EXT1: variants seen among roughly 807,000 people sequenced by gnomAD.
EXT1 encodes the protein exostosin-1.
Under a neutral mutation model 82.5 loss-of-function variants are expected in EXT1, and 20 were observed. The ratio of observed to expected loss-of-function variants is 0.24; its 90% CI spans 0.17 to 0.35. The LOEUF (loss-of-function observed/expected upper bound fraction) is 0.35. Ranked by LOEUF, EXT1 falls within the 10% of genes least tolerant of loss-of-function variation. EXT1 has a pLI of 1.00. For missense variants in EXT1, 757 were observed against 936.5 expected (o/e 0.81, Z 2.50); for synonymous variants, 348 against 350.8 (o/e 0.99, Z 0.09).
intron 1 of EXT1, among the ~76,000 whole-genome samples, chr8:118,009,874 T>C (rs1039464057): frequency 6.6e-5 from 10 of 152,198 alleles, no homozygotes; most frequent in East Asian, 1.9e-4. Flanking sequence ...GCCAAAAAGG[T>C]TGGGAACCGC....
chr8:117,815,502 A>G (rs1213749048), intron 7 of EXT1, among the ~76,000 whole-genome samples: 1 of 152,194 alleles, frequency 6.6e-6, no homozygotes, highest in Non-Finnish European at 1.5e-5. Flanking sequence ...ACATTGCCTC[A>G]GCGACCTTCT....
chr8:117,910,093 T>C (rs1813617826), intron 1 of EXT1, among the ~76,000 whole-genome samples: 2 of 152,180 alleles, frequency 1.3e-5, no homozygotes, highest in South Asian at 4.1e-4. Flanking sequence ...CTGTCCAGGA[T>C]GGGCCCTAAT....
intron 1 of EXT1, among the ~76,000 whole-genome samples, chr8:117,937,921 C>G (rs530698854): frequency 6.6e-6 from 1 of 152,332 alleles, no homozygotes; most frequent in South Asian, 2.1e-4. Flanking sequence ...ACTGCTCACT[C>G]TAGTCACAGA....
At chr8:117,888,466 C>T (rs1444707210) in intron 1 of EXT1, among the ~76,000 whole-genome samples, 1 of 152,072 alleles carries the variant, frequency 6.6e-6, no homozygotes, top group Non-Finnish European at 1.5e-5. Flanking sequence ...TTCTGCAAAA[C>T]CCCAAAGGCC....
At chr8:118,041,718 G>GAAGGAAGC (rs1816534532) in intron 1 of EXT1, among the ~76,000 whole-genome samples, 2 of 146,908 alleles carry the variant, frequency 1.4e-5, no homozygotes, top group African/African-American at 5.0e-5. Flanking sequence ...AGGAAGGAAG[G>GAAGGAAGC]AAAAAGAAAA....
Position 118,111,571 on chromosome 8 carries a change from G to C in EXT1, c.-525C>G. On this transcript the variant is annotated 5_prime_UTR_variant, in exon 1 of 11. Transcript: ENST00000378204. ...AGCCGGCTAGTGCATCTTGCAGCTG[G>C]GGCGCCGTAACCTCACAAATCCCTG... is the stretch of plus-strand genomic sequence containing the variant. 1 of 430,458 alleles carries C rather than the reference G, an allele frequency of 2.3e-6. No individual in the cohort carries two copies. The highest frequency in any genetic ancestry group is 4.1e-6 in the Non-Finnish European group (1 of 244,172). The allele number at this position is 430,458 out of a possible 1,614,324, so 26.7% of individuals were successfully genotyped here. A position where few individuals can be genotyped will look rare whatever the true frequency, so the allele number is the denominator to read the frequency against.
rs538210327 is a variant in EXT1 at position 118,062,918 on chromosome 8, A to T, written c.962+47167T>A. 1.1e-4 allele frequency among the ~76,000 whole-genome samples: 16 copies of T among 152,348 alleles called. 1 individual carries two copies. The South Asian group carries it at 3.3e-3, about 32-fold the overall frequency. The stretch of plus-strand genomic sequence containing the variant: ...CATTTCCCTCAAACACCTCATAACT[A>T]TGACTAGGTCACTATAAATTCCTAA... On this transcript the variant is annotated intron_variant, in intron 1 of 10. Transcript: ENST00000378204.
rs1420416215 is a variant in EXT1 at position 117,799,602 on chromosome 8, T to C, written c.*110A>G. 3 of 1,295,972 alleles carry C rather than the reference T, an allele frequency of 2.3e-6. No homozygotes were observed. The highest frequency in any genetic ancestry group is 3.3e-6 in the Non-Finnish European group (3 of 903,390). The allele number at this position is 1,295,972 out of a possible 1,614,324, so 80.3% of individuals were successfully genotyped here. A position where few individuals can be genotyped will look rare whatever the true frequency, so the allele number is the denominator to read the frequency against. On this transcript the variant is annotated 3_prime_UTR_variant, in exon 11 of 11. Coordinates refer to ENST00000378204, the MANE Select transcript of EXT1 (RefSeq NM_000127.3). ...TTGTCATTCTGCTCATCTAAGTTTT[T>C]GGATAGTTGGCACAATCTGGCTCTG...
chr8:118,019,150 T>G (rs1000274193), intron 1 of EXT1, among the ~76,000 whole-genome samples: 1 of 152,112 alleles, frequency 6.6e-6, no homozygotes, highest in African/African-American at 2.4e-5. Flanking sequence ...GTGAGTGCTT[T>G]AGAAATCCAG....
intron 4 of EXT1, among the ~76,000 whole-genome samples, chr8:117,825,427 A>G (rs1413167694): frequency 6.6e-6 from 1 of 152,170 alleles, no homozygotes; most frequent in Non-Finnish European, 1.5e-5. Flanking sequence ...AAGACATCAC[A>G]TTAGAGGTTG....
chr8:117,808,576 T>A (rs556279931), intron 8 of EXT1, among the ~76,000 whole-genome samples: 34 of 152,326 alleles, frequency 2.2e-4, no homozygotes, highest in African/African-American at 7.7e-4. Context: ...CTTTGCCGTA[T>A]CTCTTCTGGA....
chr8:117,986,092 A>C (rs1468406478), intron 1 of EXT1, among the ~76,000 whole-genome samples: 2 of 152,150 alleles, frequency 1.3e-5, no homozygotes, highest in African/African-American at 2.4e-5. Flanking sequence ...GTTACTAAAA[A>C]TTTTATTACT....
chr8:117,954,052 C>T (rs988176249), intron 1 of EXT1, among the ~76,000 whole-genome samples: 20 of 152,232 alleles, frequency 1.3e-4, no homozygotes, highest in Admixed American at 1.3e-3. Flanking sequence ...CTATTATTAT[C>T]TCCACCTTAC....
At chr8:117,977,660 A>G (rs1228786778) in intron 1 of EXT1, among the ~76,000 whole-genome samples, 2 of 152,178 alleles carry the variant, frequency 1.3e-5, no homozygotes, top group Non-Finnish European at 2.9e-5. Context: ...TCCTTGCATG[A>G]AAGAAAATGC....
At chr8:117,870,436 G>A (rs1812848579) in intron 1 of EXT1, among the ~76,000 whole-genome samples, 1 of 152,146 alleles carries the variant, frequency 6.6e-6, no homozygotes, top group Non-Finnish European at 1.5e-5. Flanking sequence ...GGGATACAAA[G>A]GTGATCCTCT....
At chr8:117,827,252 A>G (rs1812022048) in intron 4 of EXT1, among the ~76,000 whole-genome samples, 1 of 152,234 alleles carries the variant, frequency 6.6e-6, no homozygotes, top group South Asian at 2.1e-4. Flanking sequence ...CTAAAGAAAT[A>G]GAGATGTAGT....
intron 1 of EXT1, among the ~76,000 whole-genome samples, chr8:118,063,156 T>C (rs1816912345): frequency 6.6e-6 from 1 of 152,138 alleles, no homozygotes; most frequent in African/African-American, 2.4e-5. Flanking sequence ...AATTCATTTT[T>C]TAAAAAAATA....
chr8:117,911,262 A>C (rs1485933592), intron 1 of EXT1, among the ~76,000 whole-genome samples: 1 of 152,210 alleles, frequency 6.6e-6, no homozygotes, highest in East Asian at 1.9e-4. Context: ...GATAAGCTCC[A>C]AATAAACCTT....
intron 4 of EXT1, among the ~76,000 whole-genome samples, chr8:117,824,514 A>G (rs1277232933): frequency 6.6e-6 from 1 of 152,208 alleles, no homozygotes; most frequent in Non-Finnish European, 1.5e-5. Context: ...TTTGTGTATT[A>G]TTTTCCTCAT....
Sources: allele counts gnomAD v4.1 joint callset (sites outside exome capture counted in the v4.1 genomes callset), GRCh38; gene constraint gnomAD v4.1.1; transcripts MANE v1.5; gene names NCBI Gene and HGNC (gene_info 2026-07-23, HGNC 2026-07-21).